The following ELFN1 variants were observed in gnomAD, a reference collection of about 807,000 sequenced individuals.
ELFN1 encodes the protein protein ELFN1.
In ELFN1, 6 loss-of-function variants were observed where a neutral mutation model predicts 7.6. That is an observed-to-expected ratio of 0.79 (90% confidence interval 0.43 to 1.56). The LOEUF (loss-of-function observed/expected upper bound fraction) is 1.56. Ranked by LOEUF, ELFN1 falls within the 40% of genes most tolerant of loss-of-function variation. The pLI is 0.01. For missense variants in ELFN1, 1,169 were observed against 1,232.2 expected (o/e 0.95, Z 0.77); for synonymous variants, 657 against 588.1 (o/e 1.12, Z -1.70).
At chr7:1,724,757 C>T (rs1342672575) in intron 3 of ELFN1, among the ~76,000 whole-genome samples, 1 of 152,202 alleles carries the variant, frequency 6.6e-6, no homozygotes, top group Non-Finnish European at 1.5e-5. Flanking sequence ...CCTGATTCTT[C>T]TCCGTGGATT....
chr7:1,747,168 G>A lies in ELFN1; in HGVS notation c.*85G>A, dbSNP rs1056066077. 22 of 1,349,416 alleles carry A rather than the reference G, an allele frequency of 1.6e-5. No homozygotes were observed. The African/African-American group carries it at 2.1e-4, about 13-fold the overall frequency. The allele number at this position is 1,349,416 out of a possible 1,614,324, so 83.6% of individuals were successfully genotyped here. ...TCAGCACCAAACCCAACACACGCAC[G>A]CCACCACAGCAACTGTGACAGCGGG... On this transcript the variant is annotated 3_prime_UTR_variant, in exon 4 of 4. Transcript: ENST00000424383.
chr7:1,686,662 G>T (rs1455439205), intron 1 of ELFN1, among the ~76,000 whole-genome samples: 1 of 151,988 alleles, frequency 6.6e-6, no homozygotes, highest in Admixed American at 6.6e-5. Flanking sequence ...CCAAAGATCG[G>T]GTAGTTTTCA....
At position 1,670,434 on chromosome 7, in the gene ELFN1, C is replaced by T. The variant is rs956454551; in HGVS notation, c.-549+80C>T. 6.6e-6 allele frequency among the ~76,000 whole-genome samples: 1 copy of T among 151,468 alleles called. No individual in the cohort carries two copies. Among genetic ancestry groups the T allele is most frequent in the South Asian group, 2.1e-4 (1 of 4,804 alleles). On this transcript the variant is annotated intron_variant, in intron 1 of 3. Transcript: ENST00000424383. This position sits in a 1 kb window ranked among gnomAD's most constrained non-coding sequence, Gnocchi z 6.4. ...CCCCCGGGGAGCGGCGCGGCCAAGCCCCCCGCCACCTCGAACCCCGGGCGT... is the reference window on the plus strand; with the variant it reads ...CCCCCGGGGAGCGGCGCGGCCAAGCTCCCCGCCACCTCGAACCCCGGGCGT...
At chr7:1,677,745 T>C (rs1778899038) in intron 1 of ELFN1, among the ~76,000 whole-genome samples, 1 of 152,138 alleles carries the variant, frequency 6.6e-6, no homozygotes, top group African/African-American at 2.4e-5. Context: ...GTCTGAGGGT[T>C]AGGTTCTGTA....
At chr7:1,741,402 G>A (rs968829831) in intron 3 of ELFN1, among the ~76,000 whole-genome samples, 6 of 152,234 alleles carry the variant, frequency 3.9e-5, no homozygotes, top group African/African-American at 9.6e-5. Flanking sequence ...GGCAGGGGCC[G>A]AGCAGGAAGG....
At chr7:1,741,861 G>A (rs990408552) in intron 3 of ELFN1, among the ~76,000 whole-genome samples, 5 of 151,618 alleles carry the variant, frequency 3.3e-5, no homozygotes, top group Non-Finnish European at 5.9e-5. Flanking sequence ...GCCCAGACAG[G>A]GGGTCCTCAG....
chr7:1,688,378 G>A (rs1271805882), intron 2 of ELFN1, among the ~76,000 whole-genome samples: 1 of 152,022 alleles, frequency 6.6e-6, no homozygotes, highest in African/African-American at 2.4e-5. Flanking sequence ...AGCACTTTCT[G>A]TTAGCTTATA....
At chr7:1,720,948 C>T (rs1030259374) in intron 3 of ELFN1, among the ~76,000 whole-genome samples, 7 of 152,210 alleles carry the variant, frequency 4.6e-5, no homozygotes, top group Admixed American at 1.3e-4. Context: ...CCCTTACCAA[C>T]GTGTCCCTTG....
intron 2 of ELFN1, among the ~76,000 whole-genome samples, chr7:1,708,014 C>T (rs992293038): frequency 6.6e-6 from 1 of 152,164 alleles, no homozygotes; most frequent in African/African-American, 2.4e-5. Context: ...GCACCAACCC[C>T]CCGCCTCTGC....
rs145274595 is a variant in ELFN1 at position 1,694,370 on chromosome 7, C to G, written c.-456+6220C>G. 585 of 158,738 alleles carry G rather than the reference C, an allele frequency of 3.7e-3. 5 individuals are homozygous for G. Among genetic ancestry groups the G allele is most frequent in the African/African-American group, 0.013 (550 of 41,702 alleles). The allele number at this position is 158,738 out of a possible 1,614,324, so 9.8% of individuals were successfully genotyped here. On this transcript the variant is annotated intron_variant, in intron 2 of 3. Coordinates refer to ENST00000424383, the MANE Select transcript of ELFN1 (RefSeq NM_001128636.4). The stretch of plus-strand genomic sequence containing the variant: ...CCCAGGCCGGCCCAGCCCAGCGCCT[C>G]CCATCCTCCTGTGAAGTCATCCGCT...
intron 1 of ELFN1, among the ~76,000 whole-genome samples, chr7:1,687,278 A>G (rs970539555): frequency 6.6e-6 from 1 of 152,062 alleles, no homozygotes; most frequent in Non-Finnish European, 1.5e-5. Flanking sequence ...GAGTAGCTTT[A>G]TAGTTGTTTT....
chr7:1,677,979 A>G (rs555988819), intron 1 of ELFN1, among the ~76,000 whole-genome samples: 1 of 152,046 alleles, frequency 6.6e-6, no homozygotes, highest in East Asian at 1.9e-4. Context: ...TTGTTCCTTC[A>G]TTACATTGTC....
In ELFN1 at chr7:1,705,308, G is replaced by A. The variant is rs528731810; in HGVS notation, c.-455-3783G>A. Among the ~76,000 whole-genome samples, 33 of 152,354 alleles carry A rather than the reference G, an allele frequency of 2.2e-4. No individual in the cohort carries two copies. The highest frequency in any genetic ancestry group is 7.7e-4 in the African/African-American group (32 of 41,580). Reference sequence around the variant, plus strand: ...AATCATTGCACAAAATATGCAAATGGTATAATTACTGTTATTTGTTTTGCT... The same window carrying A: ...AATCATTGCACAAAATATGCAAATGATATAATTACTGTTATTTGTTTTGCT... On this transcript the variant is annotated intron_variant, in intron 2 of 3. Coordinates refer to ENST00000424383, the MANE Select transcript of ELFN1 (RefSeq NM_001128636.4). The surrounding 1 kb of genome is among the most constrained non-coding windows in gnomAD (Gnocchi z 4.3).
chr7:1,672,989 C>CA (rs1268180327), intron 1 of ELFN1, among the ~76,000 whole-genome samples: 1 of 152,052 alleles, frequency 6.6e-6, no homozygotes, highest in Non-Finnish European at 1.5e-5. Flanking sequence ...GATAGATCTC[C>CA]AGGGCTGGGT....
At chr7:1,714,295 C>G (rs2128589678) in intron 3 of ELFN1, among the ~76,000 whole-genome samples, 1 of 152,262 alleles carries the variant, frequency 6.6e-6, no homozygotes, top group Non-Finnish European at 1.5e-5. Context: ...GCTTAACCAC[C>G]CCAGCCCTGC....
chr7:1,740,722 C>G lies in ELFN1; in HGVS notation c.-293-3582C>G, dbSNP rs371588874. 4.3e-4 allele frequency among the ~76,000 whole-genome samples: 65 copies of G among 152,324 alleles called. No homozygotes were observed. Among genetic ancestry groups the G allele is most frequent in the South Asian group, 1.7e-3 (8 of 4,830 alleles). On this transcript the variant is annotated intron_variant, in intron 3 of 3. Transcript: ENST00000424383. The surrounding 1 kb of genome is among the most constrained non-coding windows in gnomAD (Gnocchi z 5.0). Reference sequence around the variant, plus strand: ...CACAGCACCTGTCCAGCCTCTCCCCCCCGGCCCCTGACAGGAGGCTGCACA... The same window carrying G: ...CACAGCACCTGTCCAGCCTCTCCCCGCCGGCCCCTGACAGGAGGCTGCACA...
At chr7:1,718,316 GA>G (rs1779897105) in intron 3 of ELFN1, among the ~76,000 whole-genome samples, 1 of 152,180 alleles carries the variant, frequency 6.6e-6, no homozygotes, top group South Asian at 2.1e-4. Flanking sequence ...GGAGAATAGG[GA>G]CCAACAAAAG....
At chr7:1,682,315 G>A (rs187257012) in intron 1 of ELFN1, among the ~76,000 whole-genome samples, 2 of 152,274 alleles carry the variant, frequency 1.3e-5, no homozygotes, top group East Asian at 3.9e-4. Flanking sequence ...TTGTTTTGCT[G>A]TATACATGTT....
chr7:1,684,865 A>G (rs1779037304), intron 1 of ELFN1, among the ~76,000 whole-genome samples: 1 of 152,198 alleles, frequency 6.6e-6, no homozygotes, highest in African/African-American at 2.4e-5. Context: ...TTATGTTTTT[A>G]AAAGAAGTTA....
Sources: gnomAD v4.1 joint callset for allele counts (sites outside exome capture counted in the v4.1 genomes callset) on GRCh38, gnomAD v4.1.1 for gene constraint, Gnocchi (gnomAD v3.1) non-coding constraint, MANE v1.5 for transcripts, NCBI Gene and HGNC (gene_info 2026-07-23, HGNC 2026-07-21) for gene names.